Variants in HS6ST3 observed in about 807,000 individuals in gnomAD.
HS6ST3 encodes heparan-sulfate 6-O-sulfotransferase 3.
Under a neutral mutation model 36.7 loss-of-function variants are expected in HS6ST3, and 12 were observed. That is an observed-to-expected ratio of 0.33 (90% confidence interval 0.21 to 0.53). HS6ST3 has a LOEUF of 0.53. Among genes scored for constraint, HS6ST3 ranks in the 20% least tolerant of loss-of-function variants. HS6ST3 has a pLI of 0.95. For synonymous variants in HS6ST3, 240 were observed against 257.5 expected, an observed-to-expected ratio of 0.93 and a Z score of 0.65; for missense variants, 584 against 640.9, an observed-to-expected ratio of 0.91 and a Z score of 0.96.
chr13:96,461,492 G>A (rs527709798), intron 1 of HS6ST3, among the ~76,000 whole-genome samples: 2 of 152,256 alleles, frequency 1.3e-5, no homozygotes, highest in South Asian at 4.1e-4. Context: ...GAAGAGCACA[G>A]CCACTAGGAC....
intron 1 of HS6ST3, among the ~76,000 whole-genome samples, chr13:96,560,420 C>G (rs1381644428): frequency 6.6e-6 from 1 of 152,124 alleles, no homozygotes; most frequent in East Asian, 1.9e-4. Context: ...CAACATTATA[C>G]TGAACAGGGA....
At position 96,821,353 on chromosome 13, in the gene HS6ST3, G is replaced by A. The variant is rs546805231; in HGVS notation, c.708-11137G>A. Among the ~76,000 whole-genome samples the A allele has an allele frequency of 7.2e-5, 11 of 152,324 alleles. No homozygotes were observed. In the South Asian group the frequency reaches 2.1e-3, roughly 29 times the overall value. ...GTTCATTTTGCATCTAGAGCTTTGA[G>A]TTCAACAAAGCCTGGGCCACTGCAT... On this transcript the variant is annotated intron_variant, in intron 1 of 1. Transcript: ENST00000376705.
At chr13:96,640,342 T>C (rs1183583977) in intron 1 of HS6ST3, among the ~76,000 whole-genome samples, 4 of 151,896 alleles carry the variant, frequency 2.6e-5, no homozygotes, top group African/African-American at 9.7e-5. Flanking sequence ...TTTTTCCTGT[T>C]TGTTGGCTGC....
chr13:96,500,013 C>T (rs2055996418), intron 1 of HS6ST3, among the ~76,000 whole-genome samples: 1 of 152,166 alleles, frequency 6.6e-6, no homozygotes, highest in Non-Finnish European at 1.5e-5. Flanking sequence ...AGTTGTGCAA[C>T]ATCCCTGCTG....
At chr13:96,669,431 C>G (rs1436505993) in intron 1 of HS6ST3, among the ~76,000 whole-genome samples, 1 of 152,126 alleles carries the variant, frequency 6.6e-6, no homozygotes, top group African/African-American at 2.4e-5. Context: ...GTGTTCGAAG[C>G]ACTTGGAGGG....
intron 1 of HS6ST3, among the ~76,000 whole-genome samples, chr13:96,614,308 A>C (rs1235548764): frequency 1.3e-5 from 2 of 148,458 alleles, no homozygotes; most frequent in Admixed American, 6.7e-5. Flanking sequence ...AAAAAAAAAA[A>C]AAAAAAAAAA....
chr13:96,409,110 G>C (rs1253022438), intron 1 of HS6ST3, among the ~76,000 whole-genome samples: 2 of 151,840 alleles, frequency 1.3e-5, no homozygotes, highest in Admixed American at 6.5e-5. Context: ...TGAAAGAGAA[G>C]GTATTTGGCT....
chr13:96,605,311 G>C (rs1232054346), intron 1 of HS6ST3, among the ~76,000 whole-genome samples: 3 of 152,080 alleles, frequency 2.0e-5, no homozygotes, highest in Non-Finnish European at 2.9e-5. Flanking sequence ...TTGAAAGAAT[G>C]CCTAAATGCT....
intron 1 of HS6ST3, among the ~76,000 whole-genome samples, chr13:96,279,706 A>T (rs927827107): frequency 3.3e-5 from 5 of 152,030 alleles, no homozygotes; most frequent in Non-Finnish European, 2.9e-5. Flanking sequence ...TACCTTCTTT[A>T]TCTCAGAACT....
At chr13:96,332,428 ACT>A (rs1259298158) in intron 1 of HS6ST3, among the ~76,000 whole-genome samples, 1 of 151,948 alleles carries the variant, frequency 6.6e-6, no homozygotes, top group Non-Finnish European at 1.5e-5. Context: ...CATCTGTAAA[ACT>A]CTAACAATCT....
chr13:96,433,450 C>T (rs996271830), intron 1 of HS6ST3, among the ~76,000 whole-genome samples: 4 of 152,178 alleles, frequency 2.6e-5, no homozygotes, highest in Non-Finnish European at 5.9e-5. Context: ...TTCCCCTATA[C>T]TGTTCTTATG....
intron 1 of HS6ST3, among the ~76,000 whole-genome samples, chr13:96,591,694 C>G (rs1010746823): frequency 5.9e-5 from 9 of 152,044 alleles, no homozygotes; most frequent in African/African-American, 2.2e-4. Context: ...TTATATCTTT[C>G]TCTTGTCCGA....
At chr13:96,627,452 A>G in intron 1 of HS6ST3, among the ~76,000 whole-genome samples, 1 of 151,990 alleles carries the variant, frequency 6.6e-6, no homozygotes, top group East Asian at 1.9e-4. Flanking sequence ...GGGGACTTCT[A>G]TATATCCATG....
At chr13:96,348,313 A>G (rs1222877315) in intron 1 of HS6ST3, among the ~76,000 whole-genome samples, 2 of 152,192 alleles carry the variant, frequency 1.3e-5, no homozygotes, top group Non-Finnish European at 2.9e-5. Context: ...TTGAGGACCT[A>G]TTATTGTAGT....
intron 1 of HS6ST3, among the ~76,000 whole-genome samples, chr13:96,440,558 A>G (rs533869949): frequency 6.6e-5 from 10 of 152,036 alleles, no homozygotes; most frequent in Non-Finnish European, 1.0e-4. Flanking sequence ...GATGGCTTGC[A>G]TATGCTTTTA....
intron 1 of HS6ST3, among the ~76,000 whole-genome samples, chr13:96,816,174 TTTCAATGGAAGGG>T (rs1878419275): frequency 1.3e-5 from 2 of 152,160 alleles, no homozygotes; most frequent in Non-Finnish European, 2.9e-5. Context: ...AAAGGAAGGT[TTTCAATGGAAGGG>T]TTCAATGGAA....
At chr13:96,294,993 A>G (rs1308610828) in intron 1 of HS6ST3, among the ~76,000 whole-genome samples, 2 of 152,116 alleles carry the variant, frequency 1.3e-5, no homozygotes, top group African/African-American at 2.4e-5. Context: ...AGAATTAGTT[A>G]TGTTAAAGGA....
rs10646361 is a variant in HS6ST3, at chr13:96,543,952, G to GATATATATAT, written c.708-288526_708-288517dup. ...CCATGGATATATGATATGATGGGGA[G>GATATATATAT]ATATATATATATATATATATAATTC... On this transcript the variant is annotated intron_variant, in intron 1 of 1. Transcript: ENST00000376705. 1.1e-3 allele frequency among the ~76,000 whole-genome samples: 154 copies of GATATATATAT among 145,842 alleles called. 2 individuals carry two copies. The highest frequency in any genetic ancestry group is 3.6e-3 in the African/African-American group (144 of 39,784).
intron 1 of HS6ST3, among the ~76,000 whole-genome samples, chr13:96,694,360 C>A (rs1444012267): frequency 1.3e-5 from 2 of 152,122 alleles, no homozygotes; most frequent in Non-Finnish European, 1.5e-5. Flanking sequence ...TTTTTTATAG[C>A]GGCATAGTAT....
Sources: allele counts gnomAD v4.1 joint callset (sites outside exome capture counted in the v4.1 genomes callset), GRCh38; gene constraint gnomAD v4.1.1; transcripts MANE v1.5; gene names NCBI Gene and HGNC (gene_info 2026-07-23, HGNC 2026-07-21).